The following BRCA1 variants were observed in gnomAD, a reference collection of about 807,000 sequenced individuals.
BRCA1 encodes BRCA1 DNA repair associated, also known as breast cancer type 1 susceptibility protein.
A neutral mutation model predicts 173.7 loss-of-function variants in BRCA1; 140 were observed. That is an observed-to-expected ratio of 0.81 (90% confidence interval 0.70 to 0.93). The LOEUF (loss-of-function observed/expected upper bound fraction) is 0.93, where lower values mean the gene tolerates loss of function less well. Among genes scored for constraint, BRCA1 ranks in the 40% least tolerant of loss-of-function variants. The pLI is 0.00. For missense variants in BRCA1, 1,983 were observed against 2,172.5 expected, an observed-to-expected ratio of 0.91 and a Z score of 1.73; for synonymous variants, 662 against 756.0, an observed-to-expected ratio of 0.88 and a Z score of 2.04.
rs530914551 is a variant in BRCA1, at chr17:43,093,809, G to A, written c.1722C>T (p.Leu574=). The A allele has an allele frequency of 4.3e-6, 7 of 1,613,184 alleles. No homozygotes were observed. The highest frequency in any genetic ancestry group is 3.3e-5 in the South Asian group (3 of 90,952). Residue 574 remains leucine, a synonymous_variant, in exon 10 of 23, where the codon CTC becomes CTT. Transcript: ENST00000357654. ...NEKNPNPIES[L]EKESAFKTKA... The stretch of plus-strand genomic sequence containing the variant: ...TCGTTTTGAAAGCAGATTCTTTTTC[G>A]AGTGATTCTATTGGGTTAGGATTTT...
chr17:43,061,879 C>T (rs2051776280), intron 18 of BRCA1, among the ~76,000 whole-genome samples: 1 of 152,170 alleles, frequency 6.6e-6, no homozygotes, highest in African/African-American at 2.4e-5. Flanking sequence ...GCCACCACGC[C>T]TGGCCTATAA....
chr17:43,093,376 T>C lies in BRCA1; in HGVS notation c.2155A>G (p.Lys719Glu), dbSNP rs80357147. 4.2e-5 allele frequency: 67 copies of C among 1,614,060 alleles called. No individual in the cohort carries two copies. In the African/African-American group the frequency reaches 8.5e-4, roughly 21 times the overall value. ...GGAAGGCTAGGATTGACAAATTCTT[T>C]AAGTTCACTGGTATTTGAACACTTA... ...FTKCSNTSEL[K>E]EFVNPSLPRE... is the part of the protein sequence containing the mutation. The change falls in exon 10 of 23, where the codon AAA (lysine) becomes GAA (glutamate). Residue 719 changes from lysine (K) to glutamate (E), a missense_variant. Lys to Glu is a moderately conservative substitution (Grantham distance 56, BLOSUM62 1). Transcript: ENST00000357654.
chr17:43,134,182 T>TC (rs1230388768), intron 1 of BRCA1, among the ~76,000 whole-genome samples: 14 of 152,200 alleles, frequency 9.2e-5, no homozygotes, highest in East Asian at 3.8e-4. Context: ...GGGGTTTTTT[T>TC]CCCCATCTAG....
At chr17:43,141,248 G>C (rs150259828) in intron 1 of BRCA1, among the ~76,000 whole-genome samples, 53 of 152,298 alleles carry the variant, frequency 3.5e-4, no homozygotes, top group African/African-American at 1.1e-3. Flanking sequence ...AGGACAAACT[G>C]GGCAAAATAG....
intron 18 of BRCA1, among the ~76,000 whole-genome samples, chr17:43,059,177 C>A (rs1440120557): frequency 6.6e-6 from 1 of 152,062 alleles, no homozygotes; most frequent in East Asian, 1.9e-4. Flanking sequence ...AAAATTCATG[C>A]ATCTGGCCGG....
chr17:43,097,223 C>T (rs2054175027), intron 8 of BRCA1, 21 bp downstream of exon 8: 1 of 1,609,796 alleles, frequency 6.2e-7, no homozygotes. Context: ...GCTTCATAGA[C>T]AAAGGTTCTC....
chr17:43,046,455 T>C (rs1001023926), intron 22 of BRCA1, among the ~76,000 whole-genome samples: 6 of 151,678 alleles, frequency 4.0e-5, no homozygotes, highest in Admixed American at 2.6e-4. Context: ...TGGATTGTGA[T>C]GGTGTGATCT....
chr17:43,056,934 T>C, intron 19 of BRCA1, 118 bp downstream of exon 19: 1 of 906,146 alleles, frequency 1.1e-6, no homozygotes, highest in Non-Finnish European at 1.9e-6. Flanking sequence ...TGAAAGTATC[T>C]AGCACTGTGT....
In BRCA1 at chr17:43,124,108, C is replaced by G. The variant is rs772037778; in HGVS notation, c.-12G>C. 6.2e-7 allele frequency: 1 copy of G among 1,601,162 alleles called. No individual in the cohort carries two copies. The highest frequency in any genetic ancestry group is 8.6e-7 in the Non-Finnish European group (1 of 1,168,496). On this transcript the variant is annotated 5_prime_UTR_variant, in exon 2 of 23. Transcript: ENST00000357654. ...GCAGATAAATCCATTTCTTTCTGTTCCAATGAACTTTAACACATTAGAAAA... is the reference window on the plus strand; with the variant it reads ...GCAGATAAATCCATTTCTTTCTGTTGCAATGAACTTTAACACATTAGAAAA...
At chr17:43,054,689 C>T (rs988214098) in intron 19 of BRCA1, among the ~76,000 whole-genome samples, 1 of 151,948 alleles carries the variant, frequency 6.6e-6, no homozygotes, top group Non-Finnish European at 1.5e-5. Flanking sequence ...GATCCTCCTG[C>T]CTTGGCCTCC....
chr17:43,135,425 T>C (rs2056010875), intron 1 of BRCA1, among the ~76,000 whole-genome samples: 1 of 152,250 alleles, frequency 6.6e-6, no homozygotes, highest in Non-Finnish European at 1.5e-5. Context: ...CCCGCTCCTT[T>C]ATTAGGCTAT....
chr17:43,082,292 T>G (rs2053032984), intron 12 of BRCA1, 112 bp downstream of exon 12: 1 of 1,202,872 alleles, frequency 8.3e-7, no homozygotes, highest in African/African-American at 1.5e-5. Context: ...ATTACCCATG[T>G]GCTGAGCAAG....
chr17:43,125,112 G>GCCCCCCCCCCCCCGCCTCCCC, intron 1 of BRCA1, 159 bp downstream of exon 1: 1 of 270,446 alleles, frequency 3.7e-6, no homozygotes, highest in South Asian at 2.6e-5. Flanking sequence ...CCTACAAACT[G>GCCCCCCCCCCCCCGCCTCCCC]CCCCCCTCCC....
At chr17:43,067,555 C>A in intron 16 of BRCA1, 53 bp downstream of exon 16, 1 of 1,466,842 alleles carries the variant, frequency 6.8e-7, no homozygotes, top group South Asian at 1.1e-5. Flanking sequence ...TGCCTCGCCT[C>A]ATGTGGTTTT....
chr17:43,116,074 C>T (rs1327237099), intron 2 of BRCA1, among the ~76,000 whole-genome samples: 1 of 152,104 alleles, frequency 6.6e-6, no homozygotes, highest in East Asian at 1.9e-4. Context: ...ATAGTTCGTA[C>T]GAATTCATTT....
At chr17:43,108,897 G>A (rs1030197704) in intron 3 of BRCA1, among the ~76,000 whole-genome samples, 5 of 152,002 alleles carry the variant, frequency 3.3e-5, no homozygotes, top group African/African-American at 1.2e-4. Context: ...GGAGGCTGAG[G>A]CAGGAGAATC....
chr17:43,097,402 C>T (rs2054187281), intron 7 of BRCA1, 113 bp from the exon 8 acceptor site: 20 of 934,166 alleles, frequency 2.1e-5, no homozygotes, highest in Middle Eastern at 2.9e-4. Context: ...TACTGAGCAT[C>T]TACTGTGGCA....
chr17:43,140,875 C>G (rs1253918966), intron 1 of BRCA1, among the ~76,000 whole-genome samples: 1 of 152,200 alleles, frequency 6.6e-6, no homozygotes, highest in East Asian at 1.9e-4. Flanking sequence ...GCTGCATTTC[C>G]TGTCTGCATC....
At chr17:43,057,649 C>T (rs1165359920) in intron 18 of BRCA1, among the ~76,000 whole-genome samples, 2 of 151,542 alleles carry the variant, frequency 1.3e-5, no homozygotes, top group African/African-American at 4.9e-5. Context: ...TCCTGGCTAA[C>T]ACGGTGAAAC....
Sources: allele counts gnomAD v4.1 joint callset (sites outside exome capture counted in the v4.1 genomes callset), GRCh38; gene constraint gnomAD v4.1.1; transcripts MANE v1.5; gene names NCBI Gene and HGNC (gene_info 2026-07-23, HGNC 2026-07-21).